Variants in FCHSD2 observed in about 807,000 individuals in gnomAD.
FCHSD2 encodes the protein FCH and double SH3 domains 2, also known as F-BAR and double SH3 domains protein 2.
A neutral mutation model predicts 108.1 loss-of-function variants in FCHSD2; 38 were observed. The observed-to-expected ratio is 0.35, with a 90% CI of 0.27 to 0.46. The LOEUF is 0.46. Ranked by LOEUF, FCHSD2 falls within the 20% of genes least tolerant of loss-of-function variation. The pLI is 1.00. For missense variants in FCHSD2, 751 were observed against 897.8 expected (o/e 0.84, Z 2.09); for synonymous variants, 279 against 314.7 (o/e 0.89, Z 1.20).
At chr11:72,860,755 T>C (rs555783161) in intron 13 of FCHSD2, among the ~76,000 whole-genome samples, 2 of 151,772 alleles carry the variant, frequency 1.3e-5, no homozygotes, top group East Asian at 3.9e-4. Context: ...GAGGAGGAGG[T>C]TGCCGTCAGC....
chr11:72,988,564 T>C (rs1220535945), intron 6 of FCHSD2, among the ~76,000 whole-genome samples: 3 of 152,190 alleles, frequency 2.0e-5, no homozygotes, highest in Admixed American at 6.5e-5. Flanking sequence ...GGACCTTCAG[T>C]GGCATCCTGA....
chr11:72,984,341 A>G (rs987188895), intron 7 of FCHSD2, 125 bp from the exon 8 acceptor site: 10 of 755,536 alleles, frequency 1.3e-5, no homozygotes, highest in Admixed American at 2.5e-5. Flanking sequence ...ACGTGCGGAA[A>G]ACATTTATAC....
intron 3 of FCHSD2, among the ~76,000 whole-genome samples, chr11:73,018,435 T>C (rs1420660542): frequency 2.6e-5 from 4 of 152,186 alleles, no homozygotes; most frequent in African/African-American, 7.2e-5. Context: ...ACTCTATTTA[T>C]GCATAATCAT....
intron 9 of FCHSD2, among the ~76,000 whole-genome samples, chr11:72,908,965 TTA>T (rs1855691004): frequency 1.3e-5 from 2 of 151,980 alleles, no homozygotes; most frequent in African/African-American, 4.8e-5. Context: ...TGTCTGCTAT[TTA>T]TATGTCCTTT....
intron 9 of FCHSD2, among the ~76,000 whole-genome samples, 168 bp from the exon 10 acceptor site, chr11:72,902,806 G>T (rs1259412986): frequency 1.3e-5 from 2 of 152,114 alleles, no homozygotes; most frequent in Non-Finnish European, 2.9e-5. Flanking sequence ...TTAGACAATG[G>T]TTATTATTTA....
intron 8 of FCHSD2, among the ~76,000 whole-genome samples, chr11:72,930,143 GA>G (rs1307022066): frequency 6.6e-6 from 1 of 152,112 alleles, no homozygotes; most frequent in Admixed American, 6.5e-5. Context: ...GGGCCAGGAG[GA>G]AAAAGCACTT....
chr11:73,080,574 T>C (rs1325158851), intron 3 of FCHSD2, among the ~76,000 whole-genome samples: 1 of 152,146 alleles, frequency 6.6e-6, no homozygotes, highest in Non-Finnish European at 1.5e-5. Flanking sequence ...AATGGCTTAG[T>C]AAGTTTCTCA....
At chr11:72,992,562 A>G (rs1591465335) in intron 5 of FCHSD2, among the ~76,000 whole-genome samples, 1 of 152,350 alleles carries the variant, frequency 6.6e-6, no homozygotes, top group African/African-American at 2.4e-5. Context: ...AAACAGAGAT[A>G]TAGACCAATG....
chr11:72,860,071 A>G (rs1161918219), intron 13 of FCHSD2, among the ~76,000 whole-genome samples: 1 of 152,168 alleles, frequency 6.6e-6, no homozygotes, highest in African/African-American at 2.4e-5. Context: ...GGTCCAACCT[A>G]GATCCCTTAC....
chr11:72,845,017 A>C (rs1861080927), intron 14 of FCHSD2, among the ~76,000 whole-genome samples: 1 of 152,184 alleles, frequency 6.6e-6, no homozygotes, highest in South Asian at 2.1e-4. Flanking sequence ...TTGTAATAAA[A>C]ATGTTTTTCA....
Position 73,083,638 on chromosome 11 carries a change from T to C in FCHSD2, c.165+57A>G, listed in dbSNP as rs1859749671. The C allele has an allele frequency of 1.0e-5, 11 of 1,073,392 alleles. No individual in the cohort carries two copies. In the South Asian group the frequency reaches 1.5e-4, roughly 15 times the overall value. 66.5% of individuals were successfully genotyped at this position (1,073,392 alleles called of 1,614,324 possible). Reference sequence around the variant, plus strand: ...GGCTTCTCTCCAAAAACCATCTCTGTCCTTAAGCCACGGAAAAGAAGTATA... The same window carrying C: ...GGCTTCTCTCCAAAAACCATCTCTGCCCTTAAGCCACGGAAAAGAAGTATA... On this transcript the variant is annotated intron_variant, in intron 3 of 19. Coordinates refer to ENST00000409418, the MANE Select transcript of FCHSD2 (RefSeq NM_014824.3).
intron 3 of FCHSD2, among the ~76,000 whole-genome samples, chr11:73,016,892 G>A (rs1857986253): frequency 6.6e-6 from 1 of 152,184 alleles, no homozygotes; most frequent in Admixed American, 6.5e-5. Flanking sequence ...ACAGGGATTT[G>A]AATTGAGAAG....
intron 3 of FCHSD2, among the ~76,000 whole-genome samples, chr11:73,053,389 A>C (rs544389994): frequency 2.6e-5 from 4 of 152,214 alleles, no homozygotes; most frequent in Admixed American, 2.6e-4. Flanking sequence ...CTAATGAAAG[A>C]TAGAAAATGA....
intron 11 of FCHSD2, among the ~76,000 whole-genome samples, chr11:72,889,191 G>A (rs1020724196): frequency 6.6e-6 from 1 of 151,484 alleles, no homozygotes; most frequent in Non-Finnish European, 1.5e-5. Context: ...TCGATCTCCT[G>A]ACCTTGTGAT....
chr11:72,913,271 T>C (rs983819336), intron 9 of FCHSD2, among the ~76,000 whole-genome samples: 3 of 151,952 alleles, frequency 2.0e-5, no homozygotes, highest in Non-Finnish European at 4.4e-5. Context: ...AATTTATCCA[T>C]TTTTTTTCTT....
intron 12 of FCHSD2, among the ~76,000 whole-genome samples, chr11:72,879,006 A>G (rs991689687): frequency 6.6e-6 from 1 of 152,162 alleles, no homozygotes; most frequent in African/African-American, 2.4e-5. Context: ...GCTACTTGGG[A>G]AGCTGAGGCA....
chr11:72,951,311 A>C (rs529648284), intron 8 of FCHSD2, among the ~76,000 whole-genome samples: 1 of 152,348 alleles, frequency 6.6e-6, no homozygotes, highest in Non-Finnish European at 1.5e-5. Context: ...CAGAGTTGTA[A>C]GCAGTGATGA....
At chr11:73,136,657 AG>A (rs1037459020) in intron 2 of FCHSD2, among the ~76,000 whole-genome samples, 1 of 152,236 alleles carries the variant, frequency 6.6e-6, no homozygotes, top group Non-Finnish European at 1.5e-5. Context: ...TAAAGTTGGC[AG>A]GGGGCACTGG....
intron 8 of FCHSD2, among the ~76,000 whole-genome samples, chr11:72,936,515 C>T (rs1050568866): frequency 2.0e-5 from 3 of 152,172 alleles, no homozygotes; most frequent in Admixed American, 1.3e-4. Context: ...TGGCTCATGC[C>T]TGTACTCCCA....
Sources: allele counts gnomAD v4.1 joint callset (sites outside exome capture counted in the v4.1 genomes callset), GRCh38; gene constraint gnomAD v4.1.1; transcripts MANE v1.5; gene names NCBI Gene and HGNC (gene_info 2026-07-23, HGNC 2026-07-21).